LRRTM4: variants seen among roughly 807,000 people sequenced by gnomAD.
The protein encoded by LRRTM4 is leucine-rich repeat transmembrane neuronal protein 4.
Under a neutral mutation model 47.6 loss-of-function variants are expected in LRRTM4, and 25 were observed. The observed-to-expected ratio is 0.53, with a 90% CI of 0.38 to 0.73. LRRTM4 has a LOEUF of 0.73. LRRTM4 is among the 30% of genes least tolerant of loss of function. The pLI is 0.00. For missense variants in LRRTM4, 638 were observed against 713.4 expected (o/e 0.89, Z 1.20); for synonymous variants, 311 against 269.5 (o/e 1.15, Z -1.51).
intron 3 of LRRTM4, among the ~76,000 whole-genome samples, chr2:77,231,098 C>T (rs894530167): frequency 3.3e-5 from 5 of 152,022 alleles, no homozygotes; most frequent in Non-Finnish European, 5.9e-5. Flanking sequence ...TCGAATTTAA[C>T]GTGGATGTCT....
At chr2:76,782,318 C>A (rs1250258993) in intron 3 of LRRTM4, among the ~76,000 whole-genome samples, 1 of 152,204 alleles carries the variant, frequency 6.6e-6, no homozygotes, top group Non-Finnish European at 1.5e-5. Context: ...TCTAAATCTA[C>A]AGTACATATC....
intron 3 of LRRTM4, among the ~76,000 whole-genome samples, chr2:77,246,582 G>A (rs1312593089): frequency 6.6e-6 from 1 of 152,068 alleles, no homozygotes; most frequent in Non-Finnish European, 1.5e-5. Context: ...CACAGATACA[G>A]AACATTTGCA....
At chr2:77,169,862 T>G (rs1014437354) in intron 3 of LRRTM4, among the ~76,000 whole-genome samples, 3 of 152,174 alleles carry the variant, frequency 2.0e-5, no homozygotes, top group Non-Finnish European at 4.4e-5. Context: ...TTTCAGCATT[T>G]TAATCCTCTT....
At position 76,977,012 on chromosome 2, in the gene LRRTM4, T is replaced by A. The variant is rs553109055; in HGVS notation, c.1552-228096A>T. Among the ~76,000 whole-genome samples the A allele has an allele frequency of 2.5e-4, 34 of 136,066 alleles. No individual in the cohort carries two copies. The East Asian group carries it at 6.7e-3, about 27-fold the overall frequency. 89.3% of individuals were successfully genotyped at this position (136,066 alleles called of 152,430 possible). On this transcript the variant is annotated intron_variant, in intron 3 of 3. Coordinates refer to ENST00000409884, the MANE Select transcript of LRRTM4 (RefSeq NM_001134745.3). ...ACAGAAAAAAAGCATTAATAGGCTG[T>A]GTGTGTTTGTGTGTGTTTACATGTG... is the stretch of plus-strand genomic sequence containing the variant.
intron 3 of LRRTM4, among the ~76,000 whole-genome samples, chr2:77,409,655 A>G (rs561939330): frequency 1.4e-4 from 22 of 152,278 alleles, no homozygotes; most frequent in African/African-American, 5.3e-4. Flanking sequence ...TTAATAAGAA[A>G]TATCATTTCT....
chr2:77,251,680 GC>G (rs1490958286), intron 3 of LRRTM4, among the ~76,000 whole-genome samples: 1 of 152,078 alleles, frequency 6.6e-6, no homozygotes, highest in African/African-American at 2.4e-5. Context: ...AATAGCCAAG[GC>G]CATGGAACTA....
chr2:76,792,527 C>T (rs1350150493), intron 3 of LRRTM4, among the ~76,000 whole-genome samples: 2 of 152,064 alleles, frequency 1.3e-5, no homozygotes, highest in East Asian at 1.9e-4. Context: ...GTGTGTATCA[C>T]ATTCAATCAT....
At chr2:76,812,137 A>G (rs893477776) in intron 3 of LRRTM4, among the ~76,000 whole-genome samples, 4 of 152,172 alleles carry the variant, frequency 2.6e-5, no homozygotes, top group South Asian at 4.1e-4. Context: ...GGGTAACTGA[A>G]TAATAAACAC....
At chr2:77,122,415 A>C (rs1671542838) in intron 3 of LRRTM4, among the ~76,000 whole-genome samples, 1 of 150,944 alleles carries the variant, frequency 6.6e-6, no homozygotes, top group Non-Finnish European at 1.5e-5. Context: ...CCAGATGTAA[A>C]CATATATATG....
chr2:77,412,706 T>G lies in LRRTM4; in HGVS notation c.1551+105612A>C, dbSNP rs149110998. ...ACTAATCAGAAATTACTGTCACTAA[T>G]AAAACACAATTTTCAATATTATTCC... On this transcript the variant is annotated intron_variant, in intron 3 of 3. Transcript: ENST00000409884. Among the ~76,000 whole-genome samples, 135 of 152,288 alleles carry G rather than the reference T, an allele frequency of 8.9e-4. No individual in the cohort carries two copies. In the East Asian group the frequency reaches 0.022, roughly 25 times the overall value.
At chr2:76,801,316 A>G (rs1239852941) in intron 3 of LRRTM4, among the ~76,000 whole-genome samples, 1 of 152,136 alleles carries the variant, frequency 6.6e-6, no homozygotes, top group Non-Finnish European at 1.5e-5. Context: ...CATATACACC[A>G]TGGAATACTA....
At chr2:77,304,837 T>G (rs1489663913) in intron 3 of LRRTM4, among the ~76,000 whole-genome samples, 1 of 152,114 alleles carries the variant, frequency 6.6e-6, no homozygotes, top group Non-Finnish European at 1.5e-5. Flanking sequence ...TTACCTTTTT[T>G]GGGATCACAC....
chr2:77,402,938 C>T (rs543086181), intron 3 of LRRTM4, among the ~76,000 whole-genome samples: 1 of 152,146 alleles, frequency 6.6e-6, no homozygotes, highest in East Asian at 1.9e-4. Context: ...ATAAGAAAAA[C>T]TCAGACCTTT....
intron 3 of LRRTM4, among the ~76,000 whole-genome samples, chr2:76,998,329 T>C (rs983269040): frequency 1.1e-4 from 17 of 152,136 alleles, no homozygotes; most frequent in African/African-American, 2.7e-4. Context: ...CCAGTCTAAC[T>C]AGAGAGCTGA....
intron 3 of LRRTM4, among the ~76,000 whole-genome samples, chr2:77,045,684 C>T (rs966677779): frequency 2.6e-5 from 4 of 151,920 alleles, no homozygotes; most frequent in African/African-American, 9.7e-5. Context: ...GTAAGATGTG[C>T]CTTGCTCCTC....
At chr2:76,785,390 T>A (rs1160071963) in intron 3 of LRRTM4, among the ~76,000 whole-genome samples, 2 of 152,168 alleles carry the variant, frequency 1.3e-5, no homozygotes, top group Non-Finnish European at 2.9e-5. Flanking sequence ...TATAATCTTA[T>A]ACATGTATTT....
At chr2:77,020,925 T>C (rs1678244490) in intron 3 of LRRTM4, among the ~76,000 whole-genome samples, 2 of 152,170 alleles carry the variant, frequency 1.3e-5, no homozygotes, top group South Asian at 4.1e-4. Flanking sequence ...GGACTGGTGA[T>C]TGACTTCGAA....
intron 3 of LRRTM4, among the ~76,000 whole-genome samples, chr2:76,919,984 A>T (rs1330090784): frequency 2.0e-5 from 3 of 151,994 alleles, no homozygotes. Flanking sequence ...TTGAAATGCT[A>T]TTTACTTCCA....
chr2:76,933,642 G>C (rs980889505), intron 3 of LRRTM4, among the ~76,000 whole-genome samples: 1 of 151,978 alleles, frequency 6.6e-6, no homozygotes, highest in East Asian at 1.9e-4. Flanking sequence ...TGATCCACTG[G>C]TGTACTAGCA....
Sources: gnomAD v4.1 joint callset for allele counts (sites outside exome capture counted in the v4.1 genomes callset) on GRCh38, gnomAD v4.1.1 for gene constraint, MANE v1.5 for transcripts, NCBI Gene and HGNC (gene_info 2026-07-23, HGNC 2026-07-21) for gene names.